Variants in SULT1E1 observed in about 807,000 individuals in gnomAD.
SULT1E1 encodes the protein sulfotransferase family 1E member 1.
SULT1E1 carries 36 observed loss-of-function variants against 33.6 expected under a neutral mutation model. That is an observed-to-expected ratio of 1.07 (90% confidence interval 0.82 to 1.41). SULT1E1 has a LOEUF of 1.41. SULT1E1 is among the 40% of genes most tolerant of loss of function. The probability of loss-of-function intolerance (pLI) is 0.00; values close to 1 mark genes in which losing one functional copy is unlikely to be tolerated. For missense variants in SULT1E1, 371 were observed against 345.7 expected, an observed-to-expected ratio of 1.07 and a Z score of -0.58; for synonymous variants, 121 against 111.7, an observed-to-expected ratio of 1.08 and a Z score of -0.53.
At chr4:69,838,884 A>G (rs990496127), downstream of SULT1E1, among the ~76,000 whole-genome samples, 1 of 152,218 alleles carries the variant, frequency 6.6e-6, no homozygotes, top group African/African-American at 2.4e-5. Flanking sequence ...TGGATCTCAC[A>G]CTTAAGGAAT....
the SULT1E1 span, among the ~76,000 whole-genome samples, chr4:69,823,488 C>A: frequency 1.3e-5 from 2 of 152,064 alleles, no homozygotes; most frequent in Non-Finnish European, 2.9e-5. Context: ...ATCATTGCAG[C>A]CCACTTTGCC....
At chr4:69,851,282 AAAAC>A (rs1296546807) in intron 4 of SULT1E1, among the ~76,000 whole-genome samples, 12 of 152,328 alleles carry the variant, frequency 7.9e-5, no homozygotes, top group Non-Finnish European at 1.3e-4. Context: ...TTACAAGAAA[AAAAC>A]AAACAACCCC....
intron 4 of SULT1E1, among the ~76,000 whole-genome samples, chr4:69,853,033 T>A (rs1488693715): frequency 6.6e-6 from 1 of 152,178 alleles, no homozygotes; most frequent in Non-Finnish European, 1.5e-5. Context: ...GGATTGCTAA[T>A]GATAAAAACA....
rs781623917 is a variant in SULT1E1 at position 69,844,252 on chromosome 4, C to A, written c.681G>T (p.Ser227=). ...ATGGATTGTTCTTCATCTCTTGGAA[C>A]GAAGTATGATGTATAATCCTGTCCA... ...ELVDRIIHHT[S]FQEMKNNPST... Residue 227 remains serine, a synonymous_variant, in exon 7 of 8, where the codon TCG becomes TCT. Coordinates refer to ENST00000226444, the MANE Select transcript of SULT1E1 (RefSeq NM_005420.3). 6.2e-7 allele frequency: 1 copy of A among 1,613,738 alleles called. No individual in the cohort carries two copies. Among genetic ancestry groups the A allele is most frequent in the African/African-American group, 1.3e-5 (1 of 74,870 alleles).
At chr4:69,856,808 C>T (rs2110074263) in intron 2 of SULT1E1, among the ~76,000 whole-genome samples, 1 of 151,590 alleles carries the variant, frequency 6.6e-6, no homozygotes, top group East Asian at 1.9e-4. Context: ...CAGTGGCGGG[C>T]GCCTGCAGTC....
rs1260261039 is a variant in SULT1E1 at position 69,854,314 on chromosome 4, C to T, written c.272G>A (p.Gly91Glu). 1.3e-6 allele frequency: 2 copies of T among 1,595,662 alleles called. No individual in the cohort carries two copies. The highest frequency in any genetic ancestry group is 1.3e-5 in the African/African-American group (1 of 74,428). The change falls in exon 4 of 8, where the codon GGA (glycine) becomes GAA (glutamate). Residue 91 changes from glycine to glutamate, a missense_variant and splice_region_variant. Physicochemically the swap from Gly to Glu is moderately conservative, Grantham distance 98. Transcript: ENST00000226444. ...ATTCATCTCATCTAATTGTTTTACT[C>T]CTGATTTTTAAAAAAGTAAAGGTTA... is the stretch of plus-strand genomic sequence containing the variant. ...LECRKENLMN[G>E]VKQLDEMNSP...
chr4:69,840,288 T>C (rs535377459), downstream of SULT1E1, among the ~76,000 whole-genome samples: 103 of 152,240 alleles, frequency 6.8e-4, no homozygotes, highest in African/African-American at 2.4e-3. Context: ...CTCCAAAAAG[T>C]AAGAAAATAA....
chr4:69,842,730 A>G (rs1720905281), intron 7 of SULT1E1, among the ~76,000 whole-genome samples: 2 of 152,174 alleles, frequency 1.3e-5, no homozygotes, highest in Admixed American at 1.3e-4. Context: ...ACTGCCAGCC[A>G]GAGAGTGTTT....
At chr4:69,838,003 T>C (rs188414205), downstream of SULT1E1, among the ~76,000 whole-genome samples, 1 of 152,318 alleles carries the variant, frequency 6.6e-6, no homozygotes, top group Non-Finnish European at 1.5e-5. Context: ...TTGTATGAGT[T>C]TGGTAGTATG....
chr4:69,855,136 T>G (rs958586877), intron 3 of SULT1E1, among the ~76,000 whole-genome samples, 165 bp downstream of exon 3: 1 of 152,070 alleles, frequency 6.6e-6, no homozygotes, highest in African/African-American at 2.4e-5. Flanking sequence ...CATACTATAC[T>G]GCAAAGCCTG....
At chr4:69,850,997 C>T (rs1024107029) in intron 4 of SULT1E1, among the ~76,000 whole-genome samples, 5 of 152,050 alleles carry the variant, frequency 3.3e-5, no homozygotes, top group African/African-American at 1.2e-4. Context: ...TTACCAGTTT[C>T]CCAATGATTC....
At chr4:69,856,935 CAAAAAAAAAA>C (rs11464421) in intron 2 of SULT1E1, among the ~76,000 whole-genome samples, 2 of 59,240 alleles carry the variant, frequency 3.4e-5, no homozygotes, top group East Asian at 7.2e-4. Context: ...GACTCCGTCT[CAAAAAAAAAA>C]AAAAAAAAAA....
rs1721186797 is a variant in SULT1E1, at chr4:69,854,245, GGAA to G, written c.338_340del (p.Leu113del). 2 of 1,611,882 alleles carry G rather than the reference GGAA, an allele frequency of 1.2e-6. No individual in the cohort carries two copies. Among genetic ancestry groups the G allele is most frequent in the Non-Finnish European group, 1.7e-6 (2 of 1,178,614 alleles). On this transcript the variant is annotated inframe_deletion, in exon 4 of 8. Transcript: ENST00000226444. ...ACAATCCTTTTCCCAAAATGAGGCA[GGAA>G]GAAGTTCAGGTGGCAAATGAGTCTT...
the SULT1E1 span, among the ~76,000 whole-genome samples, chr4:69,822,082 AG>A: frequency 6.6e-6 from 1 of 152,214 alleles, no homozygotes; most frequent in Non-Finnish European, 1.5e-5. Flanking sequence ...GCAATGGAAA[AG>A]AACAAACATT....
At chr4:69,855,485 T>A in intron 2 of SULT1E1, 59 bp from the exon 3 acceptor site, 1 of 1,523,304 alleles carries the variant, frequency 6.6e-7, no homozygotes, top group African/African-American at 1.4e-5. Context: ...ATGACATTAG[T>A]GCTGCATTTA....
In SULT1E1 at chr4:69,855,356, A is replaced by C; in HGVS notation, c.216T>G (p.Asp72Glu). 2 of 1,613,304 alleles carry C rather than the reference A, an allele frequency of 1.2e-6. No homozygotes were observed. Among genetic ancestry groups the C allele is most frequent in the East Asian group, 4.5e-5 (2 of 44,770 alleles). ...GGAAAGGTATTCGATTAAAAATTACATCTTCTTTGCACTTTTCCACATCAC... is the reference window on the plus strand; with the variant it reads ...GGAAAGGTATTCGATTAAAAATTACCTCTTCTTTGCACTTTTCCACATCAC... ...KEGDVEKCKE[D>E]VIFNRIPFLE... Residue 72 changes from aspartate (D) to glutamate (E), a missense_variant, in exon 3 of 8, where the codon GAT becomes GAG. Transcript: ENST00000226444.
intron 4 of SULT1E1, among the ~76,000 whole-genome samples, chr4:69,853,568 C>T (rs1721170356): frequency 1.3e-5 from 2 of 152,096 alleles, no homozygotes; most frequent in African/African-American, 4.8e-5. Context: ...GGATGCCTTC[C>T]CTACCCCCAG....
Position 69,841,766 on chromosome 4 carries a change from A to C in SULT1E1, c.*228T>G, listed in dbSNP as rs2110064460. ...TGAGATGGGAGGATCAATTGAGTCA[A>C]GGAGGTCAAGGCTGCAATCAGCCAT... On this transcript the variant is annotated 3_prime_UTR_variant, in exon 8 of 8. Coordinates refer to ENST00000226444, the MANE Select transcript of SULT1E1 (RefSeq NM_005420.3). 1 of 345,806 alleles carries C rather than the reference A, an allele frequency of 2.9e-6. No individual in the cohort carries two copies. Among genetic ancestry groups the C allele is most frequent in the African/African-American group, 2.2e-5 (1 of 45,652 alleles). The allele number at this position is 345,806 out of a possible 1,614,324, so 21.4% of individuals were successfully genotyped here. A position where few individuals can be genotyped will look rare whatever the true frequency, so the allele number is the denominator to read the frequency against.
At chr4:69,849,379 A>G in intron 5 of SULT1E1, 58 bp downstream of exon 5, 1 of 1,577,380 alleles carries the variant, frequency 6.3e-7, no homozygotes, top group Non-Finnish European at 8.6e-7. Flanking sequence ...TTACTTGGAG[A>G]TGGCATTTGT....
Sources: gnomAD v4.1 joint callset for allele counts (sites outside exome capture counted in the v4.1 genomes callset) on GRCh38, gnomAD v4.1.1 for gene constraint, MANE v1.5 for transcripts, NCBI Gene and HGNC (gene_info 2026-07-23, HGNC 2026-07-21) for gene names.